ARCN1: variants seen among roughly 807,000 people sequenced by gnomAD.
ARCN1 encodes the protein coatomer subunit delta.
A neutral mutation model predicts 60.4 loss-of-function variants in ARCN1; 5 were observed. That is an observed-to-expected ratio of 0.08 (90% CI 0.04 to 0.17). The LOEUF (loss-of-function observed/expected upper bound fraction) is 0.17, where lower values mean the gene tolerates loss of function less well. ARCN1 is among the 10% of genes least tolerant of loss of function. ARCN1 has a pLI of 1.00. For synonymous variants in ARCN1, 224 were observed against 220.0 expected, an observed-to-expected ratio of 1.02 and a Z score of -0.16; for missense variants, 464 against 626.5, an observed-to-expected ratio of 0.74 and a Z score of 2.77.
At chr11:118,578,474 A>G (rs1332687829) in intron 1 of ARCN1, among the ~76,000 whole-genome samples, 3 of 152,082 alleles carry the variant, frequency 2.0e-5, no homozygotes, top group African/African-American at 7.2e-5. Context: ...GATTTGTCTT[A>G]TTTCTTCAAA....
intron 2 of ARCN1, among the ~76,000 whole-genome samples, chr11:118,581,937 G>GACAGACAGACACACACACACACACAC (rs1555074708): frequency 1.4e-4 from 20 of 140,704 alleles, no homozygotes; most frequent in African/African-American, 5.2e-4. Flanking sequence ...CAGACAGACA[G>GACAGACAGACACACACACACACACAC]ACACACACAC....
chr11:118,601,281 C>T lies in ARCN1; in HGVS notation c.*567C>T, dbSNP rs11216926. On this transcript the variant is annotated 3_prime_UTR_variant, in exon 10 of 10. Transcript: ENST00000264028. ...TTCACCGTGTTGCCCAGGCTGGTCGCGAACTCCTGAGCTCAGGCAATCCGC... is the reference window on the plus strand; with the variant it reads ...TTCACCGTGTTGCCCAGGCTGGTCGTGAACTCCTGAGCTCAGGCAATCCGC... 57,062 of 362,260 alleles carry T rather than the reference C, an allele frequency of 0.16. 6,381 individuals are homozygous for T. The highest frequency in any genetic ancestry group is 0.5 in the East Asian group (5,828 of 11,600). 22.4% of individuals were successfully genotyped at this position (362,260 alleles called of 1,614,324 possible). A position where few individuals can be genotyped will look rare whatever the true frequency, so the allele number is the denominator to read the frequency against.
At chr11:118,576,229 C>A (rs539990013) in intron 1 of ARCN1, among the ~76,000 whole-genome samples, 1 of 151,124 alleles carries the variant, frequency 6.6e-6, no homozygotes, top group East Asian at 1.9e-4. Flanking sequence ...TTATTTAGTC[C>A]AAAGATAGTG....
intron 6 of ARCN1, 120 bp from the exon 7 acceptor site, chr11:118,592,589 G>A: frequency 1.5e-6 from 1 of 658,610 alleles, no homozygotes; most frequent in East Asian, 2.7e-5. Flanking sequence ...AAATGAAAAA[G>A]AATTGGAATT....
Position 118,590,326 on chromosome 11 carries a change from A to C in ARCN1, c.819-15A>C. Reference sequence around the variant, plus strand: ...TTCTACCTTTCTGAACAAATGTATTACTTTCTCTTTATAGTGTACATATGA... The same window carrying C: ...TTCTACCTTTCTGAACAAATGTATTCCTTTCTCTTTATAGTGTACATATGA... On this transcript the variant is annotated splice_polypyrimidine_tract_variant and intron_variant, in intron 5 of 9. Coordinates refer to ENST00000264028, the MANE Select transcript of ARCN1 (RefSeq NM_001655.5). 1 of 1,604,782 alleles carries C rather than the reference A, an allele frequency of 6.2e-7. No homozygotes were observed. Among genetic ancestry groups the C allele is most frequent in the South Asian group, 1.1e-5 (1 of 90,478 alleles).
intron 1 of ARCN1, among the ~76,000 whole-genome samples, chr11:118,578,884 T>C (rs1938586383): frequency 6.3e-5 from 4 of 63,518 alleles, no homozygotes; most frequent in East Asian, 6.8e-4. Context: ...CTTTTTTTTT[T>C]TTTTTTTTTT....
rs782333985 is a variant in ARCN1, at chr11:118,572,514, C to T, written c.-34C>T. The stretch of plus-strand genomic sequence containing the variant: ...ACCCTACCCCTATCCCCAGTGGAGC[C>T]GGAGTGCGGGCGCGCCCCACCACCG... On this transcript the variant is annotated 5_prime_UTR_variant, in exon 1 of 10. Coordinates refer to ENST00000264028, the MANE Select transcript of ARCN1 (RefSeq NM_001655.5). 4 of 1,611,044 alleles carry T rather than the reference C, an allele frequency of 2.5e-6. No homozygotes were observed. In the Admixed American group the frequency reaches 5.0e-5, roughly 20 times the overall value.
chr11:118,590,338 T>C lies in ARCN1; in HGVS notation c.819-3T>C. 1.2e-6 allele frequency: 2 copies of C among 1,611,492 alleles called. No individual in the cohort carries two copies. The highest frequency in any genetic ancestry group is 8.5e-7 in the Non-Finnish European group (1 of 1,178,250). On this transcript the variant is annotated splice_region_variant and splice_polypyrimidine_tract_variant and intron_variant, in intron 5 of 9. Transcript: ENST00000264028. Reference sequence around the variant, plus strand: ...GAACAAATGTATTACTTTCTCTTTATAGTGTACATATGAAGATTGAAGAAA... The same window carrying C: ...GAACAAATGTATTACTTTCTCTTTACAGTGTACATATGAAGATTGAAGAAA...
chr11:118,580,474 G>A (rs1938625791), intron 1 of ARCN1, among the ~76,000 whole-genome samples: 1 of 152,088 alleles, frequency 6.6e-6, no homozygotes, highest in African/African-American at 2.4e-5. Flanking sequence ...GTCATTGAGG[G>A]AGCACCTTTA....
intron 1 of ARCN1, among the ~76,000 whole-genome samples, chr11:118,580,207 C>T (rs921773100): frequency 6.6e-6 from 1 of 152,182 alleles, no homozygotes; most frequent in Non-Finnish European, 1.5e-5. Flanking sequence ...CCTATAGTCC[C>T]AGCTCCTTTC....
intron 1 of ARCN1, chr11:118,573,894 GA>G (rs1938418987): frequency 2.1e-6 from 1 of 470,548 alleles, no homozygotes; most frequent in Non-Finnish European, 3.8e-6. Flanking sequence ...TTTGGTTAGT[GA>G]TTTTGAAACT....
At chr11:118,583,133 G>A (rs1555074899) in intron 2 of ARCN1, 46 bp from the exon 3 acceptor site, 2 of 1,589,624 alleles carry the variant, frequency 1.3e-6, no homozygotes, top group Non-Finnish European at 1.7e-6. Flanking sequence ...AAATATAGCT[G>A]CTGATAAATT....
chr11:118,583,586 T>G (rs565156126), intron 3 of ARCN1, among the ~76,000 whole-genome samples: 4 of 151,840 alleles, frequency 2.6e-5, no homozygotes, highest in African/African-American at 9.7e-5. Flanking sequence ...AGACCCTGTC[T>G]CTATAAAAAG....
chr11:118,582,070 G>A (rs1938668147), intron 2 of ARCN1, among the ~76,000 whole-genome samples: 1 of 152,096 alleles, frequency 6.6e-6, no homozygotes, highest in African/African-American at 2.4e-5. Flanking sequence ...GAGGCAGAAG[G>A]ATTGCTTGAG....
intron 9 of ARCN1, among the ~76,000 whole-genome samples, chr11:118,599,257 T>C (rs1555077725): frequency 1.3e-5 from 2 of 151,812 alleles, no homozygotes; most frequent in Admixed American, 6.6e-5. Flanking sequence ...CACGCCTGTC[T>C]GATTTTTGTA....
At chr11:118,598,383 T>G (rs1489134647) in intron 9 of ARCN1, among the ~76,000 whole-genome samples, 1 of 152,156 alleles carries the variant, frequency 6.6e-6, no homozygotes, top group Non-Finnish European at 1.5e-5. Context: ...GGGTTATTTA[T>G]GTCACAGCTC....
intron 1 of ARCN1, among the ~76,000 whole-genome samples, chr11:118,576,836 CAA>C (rs1938526498): frequency 6.6e-6 from 1 of 152,098 alleles, no homozygotes; most frequent in South Asian, 2.1e-4. Context: ...TGGAATGACT[CAA>C]AGAGAGACAT....
chr11:118,586,222 AG>A (rs1938775403), intron 5 of ARCN1, among the ~76,000 whole-genome samples: 1 of 151,938 alleles, frequency 6.6e-6, no homozygotes, highest in Admixed American at 6.6e-5. Flanking sequence ...CAGCCTCCCA[AG>A]TGGCTGGGAT....
chr11:118,581,328 T>C lies in ARCN1; in HGVS notation c.86T>C (p.Ile29Thr). Reference protein sequence around the residue: ...RQFVEMTRTRIEGLLAAFPKL... With the variant: ...RQFVEMTRTRTEGLLAAFPKL... ...TTTGTGGAAATGACCCGAACTCGGA[T>C]TGAGGGCTTATTAGCAGCTTTTCCA... is the stretch of plus-strand genomic sequence containing the variant. The change falls in exon 2 of 10, where the codon ATT (isoleucine) becomes ACT (threonine). Residue 29 changes from isoleucine (I) to threonine (T), a missense_variant. Ile to Thr is a moderately conservative substitution (Grantham distance 89). Transcript: ENST00000264028. 1.2e-6 allele frequency: 2 copies of C among 1,614,214 alleles called. No individual in the cohort carries two copies. Among genetic ancestry groups the C allele is most frequent in the Non-Finnish European group, 1.7e-6 (2 of 1,180,036 alleles).
Sources: gnomAD v4.1 joint callset for allele counts (sites outside exome capture counted in the v4.1 genomes callset) on GRCh38, gnomAD v4.1.1 for gene constraint, MANE v1.5 for transcripts, NCBI Gene and HGNC (gene_info 2026-07-23, HGNC 2026-07-21) for gene names.